Variants in MICALL2 observed in about 807,000 individuals in gnomAD.
The protein encoded by MICALL2 is MICAL-like protein 2.
A neutral mutation model predicts 91.1 loss-of-function variants in MICALL2; 111 were observed. The observed-to-expected ratio is 1.22, with a 90% CI of 1.04 to 1.43. The LOEUF (loss-of-function observed/expected upper bound fraction) is 1.43. Among genes scored for constraint, MICALL2 ranks in the 40% most tolerant of loss-of-function variants. The pLI is 0.00. For synonymous variants in MICALL2, 694 were observed against 525.3 expected (o/e 1.32, Z -4.39); for missense variants, 1,556 against 1,236.0 (o/e 1.26, Z -3.88).
Position 1,452,511 on chromosome 7 carries a change from G to A in MICALL2, c.144-2223C>T, listed in dbSNP as rs1189515985. On this transcript the variant is annotated intron_variant, in intron 1 of 16. Transcript: ENST00000297508. The surrounding 1 kb of genome is among the most constrained non-coding windows in gnomAD (Gnocchi z 6.2). Reference sequence around the variant, plus strand: ...ACTGACCAAAGCGGCCATGTCCCCGGAAAGAATGCCCGGACGGCCGGGAGG... The same window carrying A: ...ACTGACCAAAGCGGCCATGTCCCCGAAAAGAATGCCCGGACGGCCGGGAGG... 2.0e-5 allele frequency among the ~76,000 whole-genome samples: 3 copies of A among 152,194 alleles called. No individual in the cohort carries two copies. In the East Asian group the frequency reaches 5.8e-4, roughly 29 times the overall value.
rs763362143 is a variant in MICALL2 at position 1,442,319 on chromosome 7, T to C, written c.1584A>G (p.Ala528=). The change falls in exon 7 of 17, where the codon GCA becomes GCG. Residue 528 remains alanine, a synonymous_variant. Transcript: ENST00000297508. ...TCCTGCCTGCCGGGGGCAACGCGGA[T>C]GCCTGAGAGGTACTGCTCGTGCTCA... ...APLSTSSTSQ[A]SALPPAGRRN... is the part of the protein sequence containing the mutation. 1.2e-6 allele frequency: 2 copies of C among 1,613,190 alleles called. No homozygotes were observed. The highest frequency in any genetic ancestry group is 1.1e-5 in the South Asian group (1 of 91,074).
chr7:1,438,205 G>C lies in MICALL2; in HGVS notation c.2203C>G (p.Leu735Val). 4 of 1,584,170 alleles carry C rather than the reference G, an allele frequency of 2.5e-6. No individual in the cohort carries two copies. ...TGCCTCTGTATCTCCTCCGGGGAGA[G>C]GTAGTCGGGGTGCAGCTGGGAACGG... ...TSPVRLHPDYLSPEEIQRQLQ... is the reference protein window; with the variant it reads ...TSPVRLHPDYVSPEEIQRQLQ... Residue 735 changes from leucine to valine, a missense_variant, in exon 12 of 17, where the codon CTC becomes GTC. Leu to Val is a conservative substitution (Grantham distance 32). Coordinates refer to ENST00000297508, the MANE Select transcript of MICALL2 (RefSeq NM_182924.4).
rs1169786103 is a variant in MICALL2 at position 1,452,668 on chromosome 7, C to T, written c.144-2380G>A. ...TGGGTTTCCCTGCAGGGCCATCTCA[C>T]CCCCAGACCCACAGTCAGGCTCTCA... is the stretch of plus-strand genomic sequence containing the variant. On this transcript the variant is annotated intron_variant, in intron 1 of 16. Coordinates refer to ENST00000297508, the MANE Select transcript of MICALL2 (RefSeq NM_182924.4). The surrounding 1 kb of genome is among the most constrained non-coding windows in gnomAD (Gnocchi z 6.2). Among the ~76,000 whole-genome samples, 2 of 152,176 alleles carry T rather than the reference C, an allele frequency of 1.3e-5. No homozygotes were observed. Among genetic ancestry groups the T allele is most frequent in the African/African-American group, 4.8e-5 (2 of 41,444 alleles).
In MICALL2 at chr7:1,435,155, G is replaced by A. The variant is rs117320285; in HGVS notation, c.2592-8C>T. On this transcript the variant is annotated splice_polypyrimidine_tract_variant and splice_region_variant and intron_variant, in intron 15 of 16. Coordinates refer to ENST00000297508, the MANE Select transcript of MICALL2 (RefSeq NM_182924.4). Reference sequence around the variant, plus strand: ...TGATCCTCCTCTTGTTCCCTGAAACGGGACCAGATGGCCATGAGCGACAAT... The same window carrying A: ...TGATCCTCCTCTTGTTCCCTGAAACAGGACCAGATGGCCATGAGCGACAAT... The A allele has an allele frequency of 5.0e-3, 8,102 of 1,613,384 alleles. 25 individuals are homozygous for A. Among genetic ancestry groups the A allele is most frequent in the Non-Finnish European group, 6.1e-3 (7,230 of 1,179,906 alleles).
chr7:1,439,259 G>A (rs923016124), intron 9 of MICALL2: 14 of 493,852 alleles, frequency 2.8e-5, no homozygotes, highest in East Asian at 2.7e-4. Flanking sequence ...ATGGATCCAG[G>A]GCAGCTATGA....
chr7:1,451,554 G>C lies in MICALL2; in HGVS notation c.144-1266C>G, dbSNP rs557886320. ...CCGTCTGTCCACGTTGCTGCCTGTG[G>C]GGTCCCGGACAGCAGCTGCTGCCAT... On this transcript the variant is annotated intron_variant, in intron 1 of 16. Coordinates refer to ENST00000297508, the MANE Select transcript of MICALL2 (RefSeq NM_182924.4). The surrounding 1 kb of genome is among the most constrained non-coding windows in gnomAD (Gnocchi z 4.5). Among the ~76,000 whole-genome samples, 4 of 152,330 alleles carry C rather than the reference G, an allele frequency of 2.6e-5. No homozygotes were observed. The South Asian group carries it at 8.3e-4, about 32-fold the overall frequency.
chr7:1,442,359 T>A lies in MICALL2; in HGVS notation c.1544A>T (p.Glu515Val). ...PRVLGLPSRMEPPAPLSTSST... is the reference protein window; with the variant it reads ...PRVLGLPSRMVPPAPLSTSST... ...GCTCGTGCTCAGCGGGGCTGGCGGT[T>A]CCATCCTCGAAGGGAGGCCAAGCAC... is the stretch of plus-strand genomic sequence containing the variant. The change falls in exon 7 of 17, where the codon GAA (glutamate) becomes GTA (valine). Residue 515 changes from glutamate to valine, a missense_variant. Physicochemically the swap from Glu to Val is moderately radical, Grantham distance 121 (BLOSUM62 -2). Coordinates refer to ENST00000297508, the MANE Select transcript of MICALL2 (RefSeq NM_182924.4). 6.2e-7 allele frequency: 1 copy of A among 1,612,390 alleles called. No homozygotes were observed. The highest frequency in any genetic ancestry group is 8.5e-7 in the Non-Finnish European group (1 of 1,179,298).
rs111737157 is a variant in MICALL2, at chr7:1,448,513, TG to T, written c.334+106del. On this transcript the variant is annotated intron_variant, in intron 3 of 16. Transcript: ENST00000297508. ...CGGTGCCCATGCCAGGGGCCATTCT[TG>T]GGGGGGGGGCTGGGCATGGACCCCA... is the stretch of plus-strand genomic sequence containing the variant. 4,180 of 852,712 alleles carry T rather than the reference TG, an allele frequency of 4.9e-3. 9 individuals are homozygous for T. The highest frequency in any genetic ancestry group is 0.013 in the South Asian group (729 of 57,902). 52.8% of individuals were successfully genotyped at this position (852,712 alleles called of 1,614,324 possible).
chr7:1,435,283 A>T (rs1488924867), intron 15 of MICALL2, 136 bp from the exon 16 acceptor site: 1 of 806,772 alleles, frequency 1.2e-6, no homozygotes, highest in Non-Finnish European at 2.1e-6. Context: ...CTTCCTGCTG[A>T]CAGGCCACAC....
At position 1,454,175 on chromosome 7, in the gene MICALL2, CG is replaced by C. The variant is rs368298776; in HGVS notation, c.144-3888del. 2.1e-4 allele frequency among the ~76,000 whole-genome samples: 26 copies of C among 122,222 alleles called. No homozygotes were observed. In the East Asian group the frequency reaches 6.3e-3, roughly 29 times the overall value. 80.2% of individuals were successfully genotyped at this position (122,222 alleles called of 152,430 possible). A position where few individuals can be genotyped will look rare whatever the true frequency, so the allele number is the denominator to read the frequency against. On this transcript the variant is annotated intron_variant, in intron 1 of 16. Transcript: ENST00000297508. The stretch of plus-strand genomic sequence containing the variant: ...AGATTCCGCCATGGAGTGGGGAGGG[CG>C]GGGGGGTGCAGGACTTGGAAGGGAA...
chr7:1,443,658 C>T (rs1780420052), intron 6 of MICALL2, among the ~76,000 whole-genome samples: 1 of 152,150 alleles, frequency 6.6e-6, no homozygotes, highest in Non-Finnish European at 1.5e-5. Flanking sequence ...GAGAAGGCCA[C>T]ATGGAAACGG....
Position 1,442,655 on chromosome 7 carries a change from AC to A in MICALL2, c.1419-172del, listed in dbSNP as rs1275213637. On this transcript the variant is annotated intron_variant, in intron 6 of 16. Coordinates refer to ENST00000297508, the MANE Select transcript of MICALL2 (RefSeq NM_182924.4). ...ACCTCCCCCACCATTGCGCCAGGCC[AC>A]CCCTCCGCCTCCCCCACCATTGCAC... is the stretch of plus-strand genomic sequence containing the variant. Among the ~76,000 whole-genome samples, 211 of 89,736 alleles carry A rather than the reference AC, an allele frequency of 2.4e-3. 1 individual carries two copies. The highest frequency in any genetic ancestry group is 7.2e-3 in the African/African-American group (165 of 23,028). 58.9% of individuals were successfully genotyped at this position (89,736 alleles called of 152,430 possible).
chr7:1,444,341 G>A (rs935659121), intron 6 of MICALL2, among the ~76,000 whole-genome samples: 1 of 152,184 alleles, frequency 6.6e-6, no homozygotes, highest in African/African-American at 2.4e-5. Context: ...ATGGGCGTAG[G>A]ACCCTTGGGT....
intron 10 of MICALL2, chr7:1,438,577 A>ACACCCCAGC: frequency 7.0e-7 from 1 of 1,422,382 alleles, no homozygotes; most frequent in Non-Finnish European, 9.2e-7. Context: ...CAGGTCAGCA[A>ACACCCCAGC]CACCCCAGCC....
At chr7:1,449,122 C>A (rs756975117) in intron 2 of MICALL2, among the ~76,000 whole-genome samples, 10 of 152,214 alleles carry the variant, frequency 6.6e-5, no homozygotes, top group Non-Finnish European at 1.5e-4. Flanking sequence ...GCTGAGCCCT[C>A]CCCGGGGGCC....
chr7:1,437,024 A>T (rs1035120979), intron 14 of MICALL2, 168 bp from the exon 15 acceptor site: 2 of 529,370 alleles, frequency 3.8e-6, no homozygotes, highest in African/African-American at 4.0e-5. Context: ...TGAAGGAAGG[A>T]ACGGCCACGT....
Position 1,446,693 on chromosome 7 carries a change from C to A in MICALL2, c.641+20G>T, listed in dbSNP as rs372764545. ...GAGGGGAGGTGCACACTCAGGCGTG[C>A]GGGCAGAGGGCAGCCCCACCTGAAG... On this transcript the variant is annotated intron_variant, in intron 5 of 16. Transcript: ENST00000297508. 1.6e-5 allele frequency: 25 copies of A among 1,541,170 alleles called. No individual in the cohort carries two copies. Among genetic ancestry groups the A allele is most frequent in the Non-Finnish European group, 2.0e-5 (23 of 1,133,566 alleles).
rs536453384 is a variant in MICALL2 at position 1,436,763 on chromosome 7, G to A, written c.2570C>T (p.Ser857Leu). Residue 857 changes from serine to leucine, a missense_variant, in exon 15 of 17, where the codon TCG becomes TTG. Coordinates refer to ENST00000297508, the MANE Select transcript of MICALL2 (RefSeq NM_182924.4). ...TVNDRSDIVD[S>L]LDEDRLREQE... ...TCACCGGAGCCGGTCCTCGTCCAGC[G>A]AGTCCACGATGTCACTGCGGTCGTT... is the stretch of plus-strand genomic sequence containing the variant. 1.2e-5 allele frequency: 20 copies of A among 1,607,276 alleles called. No individual in the cohort carries two copies. Among genetic ancestry groups the A allele is most frequent in the South Asian group, 6.6e-5 (6 of 90,658 alleles).
At chr7:1,445,991 G>A (rs1780556697) in intron 5 of MICALL2, among the ~76,000 whole-genome samples, 1 of 150,448 alleles carries the variant, frequency 6.6e-6, no homozygotes, top group Non-Finnish European at 1.5e-5. Context: ...GGCAGTGTGT[G>A]TGGAAGGACA....
Sources: allele counts gnomAD v4.1 joint callset (sites outside exome capture counted in the v4.1 genomes callset), GRCh38; gene constraint gnomAD v4.1.1; non-coding constraint Gnocchi (gnomAD v3.1); transcripts MANE v1.5; gene names NCBI Gene and HGNC (gene_info 2026-07-23, HGNC 2026-07-21).